Variants in CHST10 observed in about 807,000 individuals in gnomAD.
CHST10 encodes the protein HNK-1 sulfotransferase.
Under a neutral mutation model 34.7 loss-of-function variants are expected in CHST10, and 24 were observed. The observed-to-expected ratio is 0.69, with a 90% CI of 0.50 to 0.97. CHST10 has a LOEUF of 0.97. CHST10 is among the 50% of genes least tolerant of loss of function. The pLI, the probability that CHST10 is intolerant of heterozygous loss-of-function variation, is 0.00. For synonymous variants in CHST10, 161 were observed against 169.3 expected, an observed-to-expected ratio of 0.95 and a Z score of 0.38; for missense variants, 402 against 452.1, an observed-to-expected ratio of 0.89 and a Z score of 1.00.
chr2:100,398,688 G>C (rs113710311), intron 4 of CHST10, among the ~76,000 whole-genome samples: 3,954 of 152,254 alleles, frequency 0.026, 85 homozygotes, highest in Middle Eastern at 0.078. Flanking sequence ...CTGGGCGACA[G>C]AGCAAGCAAG....
chr2:100,417,197 G>A (rs1258217356), intron 1 of CHST10, 177 bp downstream of exon 1: 3 of 535,278 alleles, frequency 5.6e-6, no homozygotes, highest in Non-Finnish European at 9.6e-6. Context: ...TAATTAACGC[G>A]AGGAAGGCTC....
intron 2 of CHST10, among the ~76,000 whole-genome samples, chr2:100,412,761 T>C (rs1320918586): frequency 2.0e-5 from 3 of 152,208 alleles, no homozygotes; most frequent in Non-Finnish European, 4.4e-5. Flanking sequence ...AGTCTATTGA[T>C]GCTCTGAATT....
Position 100,406,670 on chromosome 2 carries a change from G to T in CHST10, c.6C>A (p.His2Gln). 1.9e-6 allele frequency: 3 copies of T among 1,614,088 alleles called. No individual in the cohort carries two copies. The highest frequency in any genetic ancestry group is 2.5e-6 in the Non-Finnish European group (3 of 1,180,024). The change falls in exon 3 of 7, where the codon CAC (histidine) becomes CAA (glutamine). Residue 2 changes from histidine (H) to glutamine (Q), a missense_variant. His to Gln is a conservative substitution (Grantham distance 24). Coordinates refer to ENST00000264249, the MANE Select transcript of CHST10 (RefSeq NM_004854.5). ...ATGCGGCCAGCAGAAGCCACTGGTG[G>T]TGCATGTTGTCACACCGCAGCCATT... M[H>Q]HQWLLLAACF...
At chr2:100,400,388 C>T (rs1018523349) in intron 4 of CHST10, among the ~76,000 whole-genome samples, 1 of 151,790 alleles carries the variant, frequency 6.6e-6, no homozygotes, top group Non-Finnish European at 1.5e-5. Context: ...TATAAACACA[C>T]ACCACCATAA....
chr2:100,396,493 G>A (rs1675066272), intron 5 of CHST10, among the ~76,000 whole-genome samples: 1 of 152,156 alleles, frequency 6.6e-6, no homozygotes, highest in Admixed American at 6.5e-5. Flanking sequence ...TGGAGTCCTG[G>A]CAGGGAAGAA....
intron 2 of CHST10, among the ~76,000 whole-genome samples, chr2:100,413,481 G>A (rs1384910664): frequency 6.6e-6 from 1 of 152,178 alleles, no homozygotes; most frequent in Non-Finnish European, 1.5e-5. Flanking sequence ...GGCAGCTGAA[G>A]AACTTAAGGC....
intron 3 of CHST10, among the ~76,000 whole-genome samples, chr2:100,403,537 C>A (rs1002750725): frequency 6.6e-6 from 1 of 152,150 alleles, no homozygotes; most frequent in Admixed American, 6.5e-5. Context: ...CAGCAACTCA[C>A]GACAACCATG....
At chr2:100,409,325 T>A (rs1675720309) in intron 2 of CHST10, among the ~76,000 whole-genome samples, 2 of 152,202 alleles carry the variant, frequency 1.3e-5, no homozygotes, top group Admixed American at 1.3e-4. Flanking sequence ...AAGCCTTACC[T>A]GAAAATGAAT....
chr2:100,412,712 G>T (rs1233664658), intron 2 of CHST10, among the ~76,000 whole-genome samples: 1 of 152,164 alleles, frequency 6.6e-6, no homozygotes, highest in African/African-American at 2.4e-5. Context: ...TCCATCTTAA[G>T]AAGGAAAATT....
intron 1 of CHST10, chr2:100,416,910 A>T: frequency 8.0e-7 from 1 of 1,244,626 alleles, no homozygotes; most frequent in Non-Finnish European, 1.1e-6. Context: ...GCCTCCTGAC[A>T]GCGAAGATCA....
chr2:100,401,805 C>T (rs528805935), intron 4 of CHST10, among the ~76,000 whole-genome samples: 1 of 152,292 alleles, frequency 6.6e-6, no homozygotes, highest in South Asian at 2.1e-4. Context: ...ATTTATCATC[C>T]TTACACTGTG....
intron 2 of CHST10, among the ~76,000 whole-genome samples, chr2:100,411,116 C>CTTTTT (rs66495740): frequency 1.5e-5 from 2 of 129,092 alleles, no homozygotes; most frequent in African/African-American, 3.1e-5. Flanking sequence ...AGCATTTTTT[C>CTTTTT]TTTTTTTTTT....
intron 2 of CHST10, among the ~76,000 whole-genome samples, chr2:100,411,440 G>C (rs1675838262): frequency 1.3e-5 from 2 of 152,008 alleles, no homozygotes; most frequent in African/African-American, 2.4e-5. Flanking sequence ...ACTGGGACTT[G>C]TTCTACAAGT....
chr2:100,411,382 G>T (rs565776968), intron 2 of CHST10, among the ~76,000 whole-genome samples: 48 of 152,198 alleles, frequency 3.2e-4, no homozygotes, highest in African/African-American at 1.2e-3. Context: ...AAAGTGCTGG[G>T]ATTATAGGCG....
intron 1 of CHST10, chr2:100,416,941 G>A (rs902899934): frequency 9.2e-6 from 12 of 1,302,282 alleles, no homozygotes; most frequent in African/African-American, 1.5e-5. Context: ...GCACCCCGGG[G>A]CCCCTCAGGC....
intron 2 of CHST10, among the ~76,000 whole-genome samples, chr2:100,408,884 C>T (rs13425645): frequency 6.6e-6 from 1 of 151,690 alleles, no homozygotes; most frequent in Non-Finnish European, 1.5e-5. Flanking sequence ...CCATTTCTAA[C>T]CAAGCAGCAG....
At chr2:100,406,242 C>T (rs1360765871) in intron 3 of CHST10, among the ~76,000 whole-genome samples, 2 of 152,180 alleles carry the variant, frequency 1.3e-5, no homozygotes, top group Non-Finnish European at 2.9e-5. Context: ...TTCCCAACTG[C>T]GAGCCTGAGA....
chr2:100,402,460 C>T lies in CHST10; in HGVS notation c.192+104G>A, dbSNP rs190046237. ...GAAGTAACACAGGAAAAGGCTCTAA[C>T]GCAGACGTGATGACAAGCGGAACCA... On this transcript the variant is annotated intron_variant, in intron 4 of 6. Transcript: ENST00000264249. The T allele has an allele frequency of 2.1e-4, 180 of 844,842 alleles. 1 individual carries two copies. In the African/African-American group the frequency reaches 2.6e-3, roughly 12 times the overall value. 52.3% of individuals were successfully genotyped at this position (844,842 alleles called of 1,614,324 possible). A position where few individuals can be genotyped will look rare whatever the true frequency, so the allele number is the denominator to read the frequency against.
intron 1 of CHST10, chr2:100,416,367 G>A (rs988184996): frequency 6.6e-6 from 1 of 152,204 alleles, no homozygotes; most frequent in African/African-American, 2.4e-5. Context: ...AGAATTTTCT[G>A]CTCAGGTATT....
Sources: gnomAD v4.1 joint callset for allele counts (sites outside exome capture counted in the v4.1 genomes callset) on GRCh38, gnomAD v4.1.1 for gene constraint, MANE v1.5 for transcripts, NCBI Gene and HGNC (gene_info 2026-07-23, HGNC 2026-07-21) for gene names.